DDAH2: variants seen among roughly 807,000 people sequenced by gnomAD.
DDAH2 encodes the protein putative hydrolase DDAH2.
DDAH2 carries 8 observed loss-of-function variants against 24.8 expected under a neutral mutation model. The ratio of observed to expected loss-of-function variants is 0.32; its 90% confidence interval spans 0.19 to 0.58. DDAH2 has a LOEUF of 0.58. Among genes scored for constraint, DDAH2 ranks in the 20% least tolerant of loss-of-function variants. The pLI is 0.87. For synonymous variants in DDAH2, 151 were observed against 166.1 expected (o/e 0.91, Z 0.70); for missense variants, 281 against 379.0 (o/e 0.74, Z 2.15).
Position 31,728,209 on chromosome 6 carries a change from C to G in DDAH2, c.555G>C (p.Val185=). ...TTTGGGCAGCGTCGCTGCTGCCTGCCACAACAGTGCGAGGTCCCCCCATGC... is the reference window on the plus strand; with the variant it reads ...TTTGGGCAGCGTCGCTGCTGCCTGCGACAACAGTGCGAGGTCCCCCCATGC... The part of the protein sequence containing the change: ...LCGMGGPRTV[V]AGSSDAAQKA... The change falls in exon 4 of 6, where the codon GTG becomes GTC. Residue 185 remains valine, a synonymous_variant. Coordinates refer to ENST00000375789, the MANE Select transcript of DDAH2 (RefSeq NM_001303007.2). The surrounding 1 kb of genome is among the most constrained non-coding windows in gnomAD (Gnocchi z 9.8). 6.2e-7 allele frequency: 1 copy of G among 1,612,758 alleles called. No homozygotes were observed. The highest frequency in any genetic ancestry group is 8.5e-7 in the Non-Finnish European group (1 of 1,179,960).
Position 31,729,139 on chromosome 6 carries a change from A to G in DDAH2, c.23T>C (p.Leu8Pro). ...GATCAGGGCATGGGAGCAGCGGCCC[A>G]GCCCCTCCCCCGGCGTCCCCATCCC... The part of the protein sequence containing the change: MGTPGEG[L>P]GRCSHALIRG... The change falls in exon 1 of 6, where the codon CTG becomes CCG. Residue 8 changes from leucine (L) to proline (P), a missense_variant. By Grantham distance (98) the Leu-to-Pro change is moderately conservative. Coordinates refer to ENST00000375789, the MANE Select transcript of DDAH2 (RefSeq NM_001303007.2). The surrounding 1 kb of genome is among the most constrained non-coding windows in gnomAD (Gnocchi z 6.7). 1 of 1,609,604 alleles carries G rather than the reference A, an allele frequency of 6.2e-7. No individual in the cohort carries two copies. The highest frequency in any genetic ancestry group is 1.3e-5 in the African/African-American group (1 of 74,860).
chr6:31,727,388 G>A lies in DDAH2; in HGVS notation c.742-35C>T, dbSNP rs527712794. On this transcript the variant is annotated intron_variant, in intron 5 of 5. Coordinates refer to ENST00000375789, the MANE Select transcript of DDAH2 (RefSeq NM_001303007.2). This position sits in a 1 kb window ranked among gnomAD's most constrained non-coding sequence, Gnocchi z 6.0. The stretch of plus-strand genomic sequence containing the variant: ...GAAGACATGGAGTGGGGAGAGGGGA[G>A]TGAGACCTCAGGCTGAGCCAGGCCA... 4.8e-5 allele frequency: 77 copies of A among 1,598,904 alleles called. 2 individuals carry two copies. The South Asian group carries it at 7.3e-4, about 15-fold the overall frequency.
upstream of DDAH2, chr6:31,729,630 A>C (rs2151309363): frequency 5.6e-6 from 1 of 177,250 alleles, no homozygotes; most frequent in East Asian, 1.6e-4. This position sits in a 1 kb window ranked among gnomAD's most constrained non-coding sequence, Gnocchi z 6.7. Flanking sequence ...GGGTTATGGG[A>C]CAGAAGGAGA....
chr6:31,728,510 C>G lies in DDAH2; in HGVS notation c.412G>C (p.Val138Leu). ...DVLFTGREFF[V>L]GLSKWTNHRG... The stretch of plus-strand genomic sequence containing the variant: ...TGATTGGTCCATTTGGAGAGGCCTA[C>G]GAAAAACTCCCGGCCTGAGTCCGGG... Residue 138 changes from valine (V) to leucine (L), a missense_variant, in exon 3 of 6, where the codon GTA becomes CTA. Coordinates refer to ENST00000375789, the MANE Select transcript of DDAH2 (RefSeq NM_001303007.2). The surrounding 1 kb of genome is among the most constrained non-coding windows in gnomAD (Gnocchi z 9.8). The G allele has an allele frequency of 6.2e-7, 1 of 1,612,734 alleles. No individual in the cohort carries two copies. The highest frequency in any genetic ancestry group is 8.5e-7 in the Non-Finnish European group (1 of 1,179,964).
chr6:31,727,772 G>T lies in DDAH2; in HGVS notation c.592-80C>A. On this transcript the variant is annotated intron_variant, in intron 4 of 5. Coordinates refer to ENST00000375789, the MANE Select transcript of DDAH2 (RefSeq NM_001303007.2). The surrounding 1 kb of genome is among the most constrained non-coding windows in gnomAD (Gnocchi z 6.0). Reference sequence around the variant, plus strand: ...CTGCTCAACCACCACTAAGGGCTGGGGACGGACTGACATTTGTGGAAAATA... The same window carrying T: ...CTGCTCAACCACCACTAAGGGCTGGTGACGGACTGACATTTGTGGAAAATA... The T allele has an allele frequency of 6.9e-7, 1 of 1,453,758 alleles. No individual in the cohort carries two copies. The highest frequency in any genetic ancestry group is 9.3e-7 in the Non-Finnish European group (1 of 1,077,858). The allele number at this position is 1,453,758 out of a possible 1,614,324, so 90.1% of individuals were successfully genotyped here. A position where few individuals can be genotyped will look rare whatever the true frequency, so the allele number is the denominator to read the frequency against.
Position 31,727,972 on chromosome 6 carries a change from T to C in DDAH2, c.591+201A>G, listed in dbSNP as rs927640687. Among the ~76,000 whole-genome samples, 5 of 152,226 alleles carry C rather than the reference T, an allele frequency of 3.3e-5. No individual in the cohort carries two copies. The highest frequency in any genetic ancestry group is 1.2e-4 in the African/African-American group (5 of 41,438). On this transcript the variant is annotated intron_variant, in intron 4 of 5. Coordinates refer to ENST00000375789, the MANE Select transcript of DDAH2 (RefSeq NM_001303007.2). This position sits in a 1 kb window ranked among gnomAD's most constrained non-coding sequence, Gnocchi z 6.0. ...CAGTTTAGGTGCCACCTTTGGGGTTTCCTGAAACTCCGGAAGAGCAAATTA... is the reference window on the plus strand; with the variant it reads ...CAGTTTAGGTGCCACCTTTGGGGTTCCCTGAAACTCCGGAAGAGCAAATTA...
Position 31,728,227 on chromosome 6 carries a change from C to G in DDAH2, c.537G>C (p.Gly179=), listed in dbSNP as rs1807537202. The change falls in exon 4 of 6, where the codon GGG becomes GGC. Residue 179 remains glycine (G), a synonymous_variant. Coordinates refer to ENST00000375789, the MANE Select transcript of DDAH2 (RefSeq NM_001303007.2). The surrounding 1 kb of genome is among the most constrained non-coding windows in gnomAD (Gnocchi z 9.8). ...TGCCTGCCACAACAGTGCGAGGTCC[C>G]CCCATGCCGCAGAGACCGCGCAGGT... The part of the protein sequence containing the change: ...PSHLRGLCGM[G]GPRTVVAGSS... 3.1e-6 allele frequency: 5 copies of G among 1,612,728 alleles called. No individual in the cohort carries two copies. In the South Asian group the frequency reaches 5.5e-5, roughly 18 times the overall value.
upstream of DDAH2, chr6:31,729,388 C>T (rs891980757): frequency 1.6e-5 from 9 of 577,968 alleles, no homozygotes; most frequent in Admixed American, 3.3e-5. This position sits in a 1 kb window ranked among gnomAD's most constrained non-coding sequence, Gnocchi z 6.7. Context: ...CCTCACTCTA[C>T]CCAGCACCCT....
Position 31,728,168 on chromosome 6 carries a change from C to T in DDAH2, c.591+5G>A. The T allele has an allele frequency of 1.2e-6, 2 of 1,611,332 alleles. No individual in the cohort carries two copies. Among genetic ancestry groups the T allele is most frequent in the Non-Finnish European group, 1.7e-6 (2 of 1,179,836 alleles). On this transcript the variant is annotated splice_donor_5th_base_variant and intron_variant, in intron 4 of 5. Transcript: ENST00000375789. The surrounding 1 kb of genome is among the most constrained non-coding windows in gnomAD (Gnocchi z 9.8). ...CCACTTTCGTTGGCCCCGCCCCCTC[C>T]TCACCCGGACAGCCTTTTGGGCAGC...
rs1188627900 is a variant in DDAH2 at position 31,727,133 on chromosome 6, C to T, written c.*104G>A. The T allele has an allele frequency of 2.4e-6, 2 of 827,638 alleles. No individual in the cohort carries two copies. The highest frequency in any genetic ancestry group is 4.0e-6 in the Non-Finnish European group (2 of 494,384). The allele number at this position is 827,638 out of a possible 1,614,324, so 51.3% of individuals were successfully genotyped here. ...TCTCCCCTCCCCCAATATTGAGGCT[C>T]TCTCCCAACTACTGCCTATTCAGCA... is the stretch of plus-strand genomic sequence containing the variant. On this transcript the variant is annotated 3_prime_UTR_variant, in exon 6 of 6. Transcript: ENST00000375789. The surrounding 1 kb of genome is among the most constrained non-coding windows in gnomAD (Gnocchi z 6.0).
Position 31,729,182 on chromosome 6 carries a change from C to T in DDAH2, c.-21G>A, listed in dbSNP as rs1317857647. ...CCCATCCCATCCACACAGACTCCCC[C>T]TCCAACCGCTCGGATTTCTTAGTTT... is the stretch of plus-strand genomic sequence containing the variant. On this transcript the variant is annotated 5_prime_UTR_variant, in exon 1 of 6. Transcript: ENST00000375789. The surrounding 1 kb of genome is among the most constrained non-coding windows in gnomAD (Gnocchi z 6.7). 6.5e-7 allele frequency: 1 copy of T among 1,535,330 alleles called. No individual in the cohort carries two copies. Among genetic ancestry groups the T allele is most frequent in the Admixed American group, 2.0e-5 (1 of 50,374 alleles).
chr6:31,728,585 C>T lies in DDAH2; in HGVS notation c.397+61G>A, dbSNP rs970271252. ...AGTGAGTTAGAAACAAGGCTCCAGA[C>T]GGCCGAGTCTCCCAAACTCTACTTC... On this transcript the variant is annotated intron_variant, in intron 2 of 5. Coordinates refer to ENST00000375789, the MANE Select transcript of DDAH2 (RefSeq NM_001303007.2). This position sits in a 1 kb window ranked among gnomAD's most constrained non-coding sequence, Gnocchi z 9.8. 2 of 1,611,016 alleles carry T rather than the reference C, an allele frequency of 1.2e-6. No individual in the cohort carries two copies.
rs938987716 is a variant in DDAH2, at chr6:31,727,984, G to A, written c.591+189C>T. Among the ~76,000 whole-genome samples, 5 of 152,158 alleles carry A rather than the reference G, an allele frequency of 3.3e-5. No homozygotes were observed. Among genetic ancestry groups the A allele is most frequent in the Non-Finnish European group, 5.9e-5 (4 of 68,028 alleles). On this transcript the variant is annotated intron_variant, in intron 4 of 5. Coordinates refer to ENST00000375789, the MANE Select transcript of DDAH2 (RefSeq NM_001303007.2). The surrounding 1 kb of genome is among the most constrained non-coding windows in gnomAD (Gnocchi z 6.0). The stretch of plus-strand genomic sequence containing the variant: ...CACCTTTGGGGTTTCCTGAAACTCC[G>A]GAAGAGCAAATTAATCACCCCTGTT...
Position 31,729,189 on chromosome 6 carries a change from C to A in DDAH2, c.-28G>T, listed in dbSNP as rs376727018. ...CATCCACACAGACTCCCCCTCCAAC[C>A]GCTCGGATTTCTTAGTTTTCTTGTT... On this transcript the variant is annotated 5_prime_UTR_variant, in exon 1 of 6. Coordinates refer to ENST00000375789, the MANE Select transcript of DDAH2 (RefSeq NM_001303007.2). This position sits in a 1 kb window ranked among gnomAD's most constrained non-coding sequence, Gnocchi z 6.7. 2.6e-6 allele frequency: 4 copies of A among 1,515,494 alleles called. No individual in the cohort carries two copies. 93.9% of individuals were successfully genotyped at this position (1,515,494 alleles called of 1,614,324 possible). A position where few individuals can be genotyped will look rare whatever the true frequency, so the allele number is the denominator to read the frequency against.
chr6:31,728,101 C>G lies in DDAH2; in HGVS notation c.591+72G>C. ...GAGGGCAGGGGTTAGGGCTAATTTCCTAAGCCTCCCAGCTCCCGGCCTCCC... is the reference window on the plus strand; with the variant it reads ...GAGGGCAGGGGTTAGGGCTAATTTCGTAAGCCTCCCAGCTCCCGGCCTCCC... On this transcript the variant is annotated intron_variant, in intron 4 of 5. Coordinates refer to ENST00000375789, the MANE Select transcript of DDAH2 (RefSeq NM_001303007.2). This position sits in a 1 kb window ranked among gnomAD's most constrained non-coding sequence, Gnocchi z 9.8. 14 of 1,572,750 alleles carry G rather than the reference C, an allele frequency of 8.9e-6. No homozygotes were observed. Among genetic ancestry groups the G allele is most frequent in the Non-Finnish European group, 1.2e-5 (14 of 1,161,496 alleles).
chr6:31,729,295 A>T lies in DDAH2; in HGVS notation c.-134T>A. 1 of 769,710 alleles carries T rather than the reference A, an allele frequency of 1.3e-6. No homozygotes were observed. The highest frequency in any genetic ancestry group is 2.7e-5 in the Admixed American group (1 of 36,384). 47.7% of individuals were successfully genotyped at this position (769,710 alleles called of 1,614,324 possible). On this transcript the variant is annotated 5_prime_UTR_variant, in exon 1 of 6. Transcript: ENST00000375789. This position sits in a 1 kb window ranked among gnomAD's most constrained non-coding sequence, Gnocchi z 6.7. ...CAGACAAGGGCGTTGGGGGTGGTTA[A>T]GAGCGCCCAGGTCTTCCTCCTGCCA...
At chr6:31,730,031 GCC>G (rs138134716), upstream of DDAH2, 2 of 152,524 alleles carry the variant, frequency 1.3e-5, no homozygotes, top group African/African-American at 4.8e-5. The surrounding 1 kb of genome is among the most constrained non-coding windows in gnomAD (Gnocchi z 5.1). Context: ...ACGGTTCAGG[GCC>G]CCCCACGCAA....
At chr6:31,730,223 G>C (rs1807779656), upstream of DDAH2, 1 of 157,008 alleles carries the variant, frequency 6.4e-6, no homozygotes, top group Admixed American at 6.5e-5. The surrounding 1 kb of genome is among the most constrained non-coding windows in gnomAD (Gnocchi z 5.1). Context: ...ATGGGGCAGG[G>C]GCGCGACGGT....
At position 31,727,639 on chromosome 6, in the gene DDAH2, G is replaced by A. The variant is rs767622416; in HGVS notation, c.645C>T (p.Asp215=). 8.1e-6 allele frequency: 13 copies of A among 1,612,828 alleles called. No homozygotes were observed. Among genetic ancestry groups the A allele is most frequent in the East Asian group, 2.2e-5 (1 of 44,874 alleles). The change falls in exon 5 of 6, where the codon GAC becomes GAT. Residue 215 remains aspartate, a synonymous_variant. Coordinates refer to ENST00000375789, the MANE Select transcript of DDAH2 (RefSeq NM_001303007.2). This position sits in a 1 kb window ranked among gnomAD's most constrained non-coding sequence, Gnocchi z 6.0. ...HPYASLTLPD[D]AAADCLFLRP... is the part of the protein sequence containing the mutation. Reference sequence around the variant, plus strand: ...GAAGAAAGAGACAGTCAGCAGCTGCGTCATCTGGGAGGGTCAGGGAGGCAT... The same window carrying A: ...GAAGAAAGAGACAGTCAGCAGCTGCATCATCTGGGAGGGTCAGGGAGGCAT...
Sources: gnomAD v4.1 joint callset for allele counts (sites outside exome capture counted in the v4.1 genomes callset) on GRCh38, gnomAD v4.1.1 for gene constraint, Gnocchi (gnomAD v3.1) non-coding constraint, MANE v1.5 for transcripts, NCBI Gene and HGNC (gene_info 2026-07-23, HGNC 2026-07-21) for gene names.